PACSIN1: variants seen among roughly 807,000 people sequenced by gnomAD.
The protein encoded by PACSIN1 is protein kinase C and casein kinase substrate in neurons protein 1.
A neutral mutation model predicts 59.5 loss-of-function variants in PACSIN1; 15 were observed. The ratio of observed to expected loss-of-function variants is 0.25; its 90% CI spans 0.17 to 0.39. The LOEUF (loss-of-function observed/expected upper bound fraction) is 0.39. Among genes scored for constraint, PACSIN1 ranks in the 10% least tolerant of loss-of-function variants. The pLI, the probability that PACSIN1 is intolerant of heterozygous loss-of-function variation, is 1.00. For synonymous variants in PACSIN1, 210 were observed against 220.6 expected (o/e 0.95, Z 0.42); for missense variants, 420 against 580.2 (o/e 0.72, Z 2.84).
rs115104074 is a variant in PACSIN1, at chr6:34,533,277, C to T, written c.*747C>T. ...CAGGCCCATCTGAGGGACCAAGACG[C>T]TGTTACGCAGGCCCTTCTTTCCAGC... On this transcript the variant is annotated 3_prime_UTR_variant, in exon 10 of 10. Coordinates refer to ENST00000244458, the MANE Select transcript of PACSIN1 (RefSeq NM_020804.5). 1,652 of 152,414 alleles carry T rather than the reference C, an allele frequency of 0.011. 15 individuals carry two copies. Among genetic ancestry groups the T allele is most frequent in the Non-Finnish European group, 0.016 (1,082 of 68,114 alleles). The allele number at this position is 152,414 out of a possible 1,614,324, so 9.4% of individuals were successfully genotyped here. A position where few individuals can be genotyped will look rare whatever the true frequency, so the allele number is the denominator to read the frequency against.
At chr6:34,490,380 G>A (rs1203505516) in intron 1 of PACSIN1, among the ~76,000 whole-genome samples, 1 of 151,990 alleles carries the variant, frequency 6.6e-6, no homozygotes, top group Admixed American at 6.6e-5. Flanking sequence ...GGACTCTTTT[G>A]ATTGCATCAA....
Position 34,530,368 on chromosome 6 carries a change from G to C in PACSIN1, c.909+5G>C, listed in dbSNP as rs1384869859. ...ATGAACTGGCCCCAGTTTGAGGTGA[G>C]GATATGTGGGGATGGGAAGGGGAGC... is the stretch of plus-strand genomic sequence containing the variant. On this transcript the variant is annotated splice_donor_5th_base_variant and intron_variant, in intron 7 of 9. Coordinates refer to ENST00000244458, the MANE Select transcript of PACSIN1 (RefSeq NM_020804.5). The surrounding 1 kb of genome is among the most constrained non-coding windows in gnomAD (Gnocchi z 4.4). The C allele has an allele frequency of 4.3e-6, 7 of 1,612,936 alleles. No individual in the cohort carries two copies. The highest frequency in any genetic ancestry group is 3.3e-4 in the Middle Eastern group (2 of 6,080).
At chr6:34,499,930 A>G (rs1767000430) in intron 1 of PACSIN1, among the ~76,000 whole-genome samples, 1 of 152,238 alleles carries the variant, frequency 6.6e-6, no homozygotes, top group South Asian at 2.1e-4. Flanking sequence ...TTAAAATTTA[A>G]AACTTTTGTA....
rs545371366 is a variant in PACSIN1, at chr6:34,518,190, G to A, written c.-63-8053G>A. Among the ~76,000 whole-genome samples, 3 of 152,350 alleles carry A rather than the reference G, an allele frequency of 2.0e-5. No individual in the cohort carries two copies. The highest frequency in any genetic ancestry group is 2.1e-4 in the South Asian group (1 of 4,828). On this transcript the variant is annotated intron_variant, in intron 1 of 9. Coordinates refer to ENST00000244458, the MANE Select transcript of PACSIN1 (RefSeq NM_020804.5). This position sits in a 1 kb window ranked among gnomAD's most constrained non-coding sequence, Gnocchi z 4.4. ...GCATCCCACCCCAAGCCACTGAAGC[G>A]GGAGGGCCACGGCCCCTTCTTCCTG...
chr6:34,473,249 G>A (rs1766596463), intron 1 of PACSIN1, among the ~76,000 whole-genome samples: 3 of 151,486 alleles, frequency 2.0e-5, no homozygotes, highest in Admixed American at 1.3e-4. Context: ...TACATTCCAG[G>A]CAGAGTGACA....
chr6:34,489,964 C>T (rs776247990), intron 1 of PACSIN1, among the ~76,000 whole-genome samples: 22 of 152,314 alleles, frequency 1.4e-4, no homozygotes, highest in Non-Finnish European at 2.8e-4. Flanking sequence ...CTCCTTCAGT[C>T]AGTTGGATCT....
chr6:34,489,384 T>C (rs1202537017), intron 1 of PACSIN1, among the ~76,000 whole-genome samples: 1 of 152,086 alleles, frequency 6.6e-6, no homozygotes, highest in Non-Finnish European at 1.5e-5. Context: ...GTAGAGCTCT[T>C]GGTCAGCTGC....
At position 34,532,369 on chromosome 6, in the gene PACSIN1, T is replaced by C. The variant is rs947704559; in HGVS notation, c.1226-52T>C. ...AGGGTTCCCCTAGCAGCCGGTGCGT[T>C]GAGGGAGGGGCAGCCTTCTCTCTGA... On this transcript the variant is annotated intron_variant, in intron 9 of 9. Transcript: ENST00000244458. The surrounding 1 kb of genome is among the most constrained non-coding windows in gnomAD (Gnocchi z 5.2). 51 of 1,255,208 alleles carry C rather than the reference T, an allele frequency of 4.1e-5. No homozygotes were observed. Among genetic ancestry groups the C allele is most frequent in the Admixed American group, 2.2e-4 (11 of 49,948 alleles). 77.8% of individuals were successfully genotyped at this position (1,255,208 alleles called of 1,614,324 possible).
intron 1 of PACSIN1, among the ~76,000 whole-genome samples, chr6:34,522,298 TC>T (rs1767407933): frequency 6.6e-6 from 1 of 152,190 alleles, no homozygotes; most frequent in African/African-American, 2.4e-5. Flanking sequence ...TGCCTCAGTT[TC>T]CCCATCTGTA....
Position 34,525,461 on chromosome 6 carries a change from A to G in PACSIN1, c.-63-782A>G, listed in dbSNP as rs1767464983. Among the ~76,000 whole-genome samples the G allele has an allele frequency of 6.6e-6, 1 of 152,250 alleles. No individual in the cohort carries two copies. The highest frequency in any genetic ancestry group is 6.5e-5 in the Admixed American group (1 of 15,292). ...GAGCATCCACACTGTCAGGGTTCAC[A>G]GTCCTGGGACTGCAGTGCAGAAGCA... is the stretch of plus-strand genomic sequence containing the variant. On this transcript the variant is annotated intron_variant, in intron 1 of 9. Coordinates refer to ENST00000244458, the MANE Select transcript of PACSIN1 (RefSeq NM_020804.5). The surrounding 1 kb of genome is among the most constrained non-coding windows in gnomAD (Gnocchi z 4.9).
chr6:34,502,657 G>A (rs1198550836), intron 1 of PACSIN1, among the ~76,000 whole-genome samples: 4 of 151,546 alleles, frequency 2.6e-5, no homozygotes, highest in East Asian at 1.9e-4. Flanking sequence ...TAGTAGAGAC[G>A]GGGTTTCACC....
chr6:34,494,971 T>C (rs1424721059), intron 1 of PACSIN1, among the ~76,000 whole-genome samples: 1 of 152,218 alleles, frequency 6.6e-6, no homozygotes, highest in Non-Finnish European at 1.5e-5. Context: ...TTTCCCATTA[T>C]GGTATTTACC....
At position 34,530,006 on chromosome 6, in the gene PACSIN1, G is replaced by A. The variant is rs937918130; in HGVS notation, c.788+165G>A. On this transcript the variant is annotated intron_variant, in intron 6 of 9. Coordinates refer to ENST00000244458, the MANE Select transcript of PACSIN1 (RefSeq NM_020804.5). The surrounding 1 kb of genome is among the most constrained non-coding windows in gnomAD (Gnocchi z 4.4). Reference sequence around the variant, plus strand: ...ACACAGGGGCTGTTGAGTGCAAGCTGACGCACACTGGGTACTCTAGAAACA... The same window carrying A: ...ACACAGGGGCTGTTGAGTGCAAGCTAACGCACACTGGGTACTCTAGAAACA... Among the ~76,000 whole-genome samples the A allele has an allele frequency of 6.6e-6, 1 of 152,172 alleles. No individual in the cohort carries two copies. The highest frequency in any genetic ancestry group is 1.5e-5 in the Non-Finnish European group (1 of 68,044).
chr6:34,534,409 G>T lies in PACSIN1; in HGVS notation c.*1879G>T, dbSNP rs1488710820. 1 of 152,754 alleles carries T rather than the reference G, an allele frequency of 6.5e-6. No homozygotes were observed. The highest frequency in any genetic ancestry group is 2.4e-5 in the African/African-American group (1 of 41,436). 9.5% of individuals were successfully genotyped at this position (152,754 alleles called of 1,614,324 possible). On this transcript the variant is annotated 3_prime_UTR_variant, in exon 10 of 10. Transcript: ENST00000244458. ...CGGCTGCAGCCTGAGGTGTGTCCTG[G>T]GCTCCTCAGAGCCTGAAGCAAGCTT...
Position 34,472,644 on chromosome 6 carries a change from G to C in PACSIN1, c.-64+6374G>C, listed in dbSNP as rs1218816511. Among the ~76,000 whole-genome samples, 5 of 151,972 alleles carry C rather than the reference G, an allele frequency of 3.3e-5. No individual in the cohort carries two copies. The South Asian group carries it at 1.0e-3, about 32-fold the overall frequency. ...AGTCACATGCTGCCACGTGTGTTTG[G>C]AGAGTTTTTATCTGTGGTTGGTTCC... is the stretch of plus-strand genomic sequence containing the variant. On this transcript the variant is annotated intron_variant, in intron 1 of 9. Coordinates refer to ENST00000244458, the MANE Select transcript of PACSIN1 (RefSeq NM_020804.5).
At position 34,532,439 on chromosome 6, in the gene PACSIN1, TG is replaced by T; in HGVS notation, c.1247del (p.Gly416AlafsTer71). The T allele has an allele frequency of 6.4e-7, 1 of 1,571,934 alleles. No homozygotes were observed. The highest frequency in any genetic ancestry group is 8.6e-7 in the Non-Finnish European group (1 of 1,158,126). On this transcript the variant is annotated frameshift_variant, in exon 10 of 10. Coordinates refer to ENST00000244458, the MANE Select transcript of PACSIN1 (RefSeq NM_020804.5). LOFTEE classifies it high-confidence loss of function. The surrounding 1 kb of genome is among the most constrained non-coding windows in gnomAD (Gnocchi z 5.2). The part of the protein sequence containing the change: ...SFKAGDELTK[L>X]GEEDEQGWCR... Reference sequence around the variant, plus strand: ...TTCCCAGGAGACGAACTCACCAAGCTGGGCGAGGAGGATGAGCAGGGCTGGT... The same window carrying T: ...TTCCCAGGAGACGAACTCACCAAGCTGGCGAGGAGGATGAGCAGGGCTGGT...
At chr6:34,482,250 C>A (rs757340347) in intron 1 of PACSIN1, among the ~76,000 whole-genome samples, 1 of 152,134 alleles carries the variant, frequency 6.6e-6, no homozygotes, top group Non-Finnish European at 1.5e-5. Context: ...CCATGCCCAG[C>A]TAATTTTGTG....
At position 34,469,646 on chromosome 6, in the gene PACSIN1, G is replaced by A. The variant is rs534986440; in HGVS notation, c.-64+3376G>A. 1.1e-4 allele frequency among the ~76,000 whole-genome samples: 17 copies of A among 152,334 alleles called. No homozygotes were observed. In the South Asian group the frequency reaches 2.7e-3, roughly 24 times the overall value. On this transcript the variant is annotated intron_variant, in intron 1 of 9. Transcript: ENST00000244458. ...CAGGCCCTAGACCCCAGCATCCTGC[G>A]CCCATCAGGCACAGGGTTTGGGTGT... is the stretch of plus-strand genomic sequence containing the variant.
At chr6:34,468,626 C>T (rs1232244921) in intron 1 of PACSIN1, among the ~76,000 whole-genome samples, 3 of 152,200 alleles carry the variant, frequency 2.0e-5, no homozygotes, top group Non-Finnish European at 2.9e-5. Flanking sequence ...CAGGCTGTTC[C>T]TGTCTCCTCC....
Sources: allele counts gnomAD v4.1 joint callset (sites outside exome capture counted in the v4.1 genomes callset), GRCh38; gene constraint gnomAD v4.1.1; non-coding constraint Gnocchi (gnomAD v3.1); transcripts MANE v1.5; gene names NCBI Gene and HGNC (gene_info 2026-07-23, HGNC 2026-07-21).